C5: variants seen among roughly 807,000 people sequenced by gnomAD.
The protein encoded by C5 is C3 and PZP-like alpha-2-macroglobulin domain-containing protein 4.
A neutral mutation model predicts 218.8 loss-of-function variants in C5; 140 were observed. That is an observed-to-expected ratio of 0.64 (90% CI 0.56 to 0.74). C5 has a LOEUF of 0.74. Ranked by LOEUF, C5 falls within the 30% of genes least tolerant of loss-of-function variation. C5 has a pLI of 0.00. For synonymous variants in C5, 614 were observed against 682.3 expected (o/e 0.90, Z 1.56); for missense variants, 1,700 against 1,969.6 (o/e 0.86, Z 2.59).
In C5 at chr9:121,009,666, C is replaced by T. The variant is rs1265059204; in HGVS notation, c.2258-1168G>A. On this transcript the variant is annotated intron_variant, in intron 17 of 40. Transcript: ENST00000223642. ...CACTAAATTTTAACAACTAACTACACACAAAAAGCACCATCAAGAGAACCG... is the reference window on the plus strand; with the variant it reads ...CACTAAATTTTAACAACTAACTACATACAAAAAGCACCATCAAGAGAACCG... Among the ~76,000 whole-genome samples, 3 of 152,346 alleles carry T rather than the reference C, an allele frequency of 2.0e-5. No individual in the cohort carries two copies. In the South Asian group the frequency reaches 6.2e-4, roughly 32 times the overall value.
upstream of C5, among the ~76,000 whole-genome samples, chr9:121,051,459 G>A (rs1306602131): frequency 1.3e-5 from 2 of 151,778 alleles, no homozygotes; most frequent in Non-Finnish European, 2.9e-5. Flanking sequence ...GATGTTTTAT[G>A]TTCATTAGAA....
At chr9:121,020,533 G>C (rs1433000186) in intron 11 of C5, among the ~76,000 whole-genome samples, 2 of 152,172 alleles carry the variant, frequency 1.3e-5, no homozygotes, top group East Asian at 3.8e-4. Context: ...TTAGGAAATG[G>C]GGGTAGGAGA....
At chr9:121,037,252 T>C (rs1384537382) in intron 4 of C5, among the ~76,000 whole-genome samples, 2 of 151,780 alleles carry the variant, frequency 1.3e-5, no homozygotes, top group Non-Finnish European at 2.9e-5. Flanking sequence ...TATAGTTAAA[T>C]GGGTATTCAG....
At chr9:120,963,893 T>C (rs989490304) in intron 33 of C5, among the ~76,000 whole-genome samples, 155 bp from the exon 34 acceptor site, 1 of 152,234 alleles carries the variant, frequency 6.6e-6, no homozygotes, top group Non-Finnish European at 1.5e-5. Flanking sequence ...ACTTTAGAGT[T>C]GCAAGAGATC....
At chr9:121,035,006 A>C in intron 4 of C5, 112 bp from the exon 5 acceptor site, 1 of 619,528 alleles carries the variant, frequency 1.6e-6, no homozygotes, top group South Asian at 2.0e-5. Context: ...TTTGAAGACA[A>C]ATACCCATGT....
intron 20 of C5, among the ~76,000 whole-genome samples, chr9:121,002,805 C>A (rs1207052588): frequency 1.3e-5 from 2 of 152,086 alleles, no homozygotes; most frequent in African/African-American, 2.4e-5. Flanking sequence ...GTAAAGGCAA[C>A]TTTACAGCTT....
intron 17 of C5, among the ~76,000 whole-genome samples, chr9:121,010,478 A>G (rs2047252420): frequency 5.9e-5 from 9 of 152,294 alleles, no homozygotes; most frequent in Admixed American, 3.9e-4. Flanking sequence ...AATGAAAGAA[A>G]TTCAAGAGGA....
chr9:121,010,811 C>T (rs188587486), intron 17 of C5, among the ~76,000 whole-genome samples: 3 of 151,992 alleles, frequency 2.0e-5, no homozygotes, highest in Non-Finnish European at 2.9e-5. Context: ...AATAGAAAAC[C>T]CAGACAAATC....
chr9:121,056,389 A>G, the C5 span, among the ~76,000 whole-genome samples: 4 of 152,254 alleles, frequency 2.6e-5, no homozygotes, highest in Non-Finnish European at 4.4e-5. Context: ...ATTCTATCAG[A>G]TAAATTTAAC....
Position 120,989,100 on chromosome 9 carries a change from T to C in C5, c.3176A>G (p.Tyr1059Cys), listed in dbSNP as rs1356483435. 9 of 1,613,652 alleles carry C rather than the reference T, an allele frequency of 5.6e-6. No individual in the cohort carries two copies. Among genetic ancestry groups the C allele is most frequent in the South Asian group, 1.1e-5 (1 of 91,074 alleles). Reference sequence around the variant, plus strand: ...ACTGTAAGAGTAGTCAGCATTTCTGTAGGACATAATGCTCAACATCCCTAA... The same window carrying C: ...ACTGTAAGAGTAGTCAGCATTTCTGCAGGACATAATGCTCAACATCCCTAA... ...LKEGMLSIMS[Y>C]RNADYSYSVW... Residue 1059 changes from tyrosine (Y) to cysteine (C), a missense_variant, in exon 25 of 41, where the codon TAC becomes TGC. Transcript: ENST00000223642.
At chr9:120,959,010 C>A (rs991204425) in intron 38 of C5, among the ~76,000 whole-genome samples, 4 of 152,000 alleles carry the variant, frequency 2.6e-5, no homozygotes, top group Middle Eastern at 3.2e-3. Flanking sequence ...TGGTCTAGAA[C>A]CCCTGAGCTC....
At chr9:121,072,558 G>T in the C5 span, among the ~76,000 whole-genome samples, 2 of 152,106 alleles carry the variant, frequency 1.3e-5, no homozygotes, top group African/African-American at 4.8e-5. Context: ...TGTAATCCCA[G>T]CACTTTGGGA....
chr9:121,026,638 A>AT (rs1214177323), intron 8 of C5, among the ~76,000 whole-genome samples: 1 of 152,098 alleles, frequency 6.6e-6, no homozygotes, highest in African/African-American at 2.4e-5. Context: ...ACATTGCCAA[A>AT]TGTCTCCTTG....
At chr9:120,983,731 G>A (rs1408877025) in intron 25 of C5, among the ~76,000 whole-genome samples, 1 of 151,966 alleles carries the variant, frequency 6.6e-6, no homozygotes, top group Non-Finnish European at 1.5e-5. Context: ...AGAATTGCTT[G>A]AGCCCAGGAG....
chr9:121,045,968 A>G (rs184443058), intron 2 of C5, among the ~76,000 whole-genome samples: 12 of 152,294 alleles, frequency 7.9e-5, no homozygotes, highest in Admixed American at 7.8e-4. Context: ...GAATGTGAAA[A>G]TGGACATGCA....
chr9:121,037,302 G>GTTTTTTTTTTTTT (rs201849062), intron 4 of C5, among the ~76,000 whole-genome samples: 1 of 136,722 alleles, frequency 7.3e-6, no homozygotes, highest in Non-Finnish European at 1.6e-5. Flanking sequence ...TTGTTTTTTG[G>GTTTTTTTTTTTTT]TTTTTTTTTT....
intron 1 of C5, among the ~76,000 whole-genome samples, chr9:121,048,679 T>C (rs2047648577): frequency 6.6e-6 from 1 of 152,246 alleles, no homozygotes; most frequent in African/African-American, 2.4e-5. Flanking sequence ...AAGATTTTGG[T>C]TCTTATTGAC....
the C5 span, among the ~76,000 whole-genome samples, chr9:121,073,511 C>CTTTTTTT: frequency 4.1e-5 from 3 of 73,006 alleles, 1 homozygote; most frequent in Non-Finnish European, 7.7e-5. Flanking sequence ...GAAAACTGGA[C>CTTTTTTT]TTTTTTTTTT....
chr9:121,062,045 G>A, the C5 span, among the ~76,000 whole-genome samples: 1 of 150,668 alleles, frequency 6.6e-6, no homozygotes, highest in Non-Finnish European at 1.5e-5. Context: ...AAGGCTCCTT[G>A]TTTTTTTGTT....
Sources: allele counts gnomAD v4.1 joint callset (sites outside exome capture counted in the v4.1 genomes callset), GRCh38; gene constraint gnomAD v4.1.1; transcripts MANE v1.5; gene names NCBI Gene and HGNC (gene_info 2026-07-23, HGNC 2026-07-21).